The following GLIS3 variants were observed in gnomAD, a reference collection of about 807,000 sequenced individuals.
The protein encoded by GLIS3 is GLIS family zinc finger 3, also known as zinc finger protein GLIS3.
A neutral mutation model predicts 78.6 loss-of-function variants in GLIS3; 53 were observed. That is an observed-to-expected ratio of 0.67 (90% CI 0.54 to 0.85). GLIS3 has a LOEUF of 0.85. GLIS3 is among the 40% of genes least tolerant of loss of function. The pLI, the probability that GLIS3 is intolerant of heterozygous loss-of-function variation, is 0.00. For synonymous variants in GLIS3, 684 were observed against 509.9 expected (o/e 1.34, Z -4.60); for missense variants, 1,703 against 1,231.1 (o/e 1.38, Z -5.74).
chr9:4,488,156 T>C, the GLIS3 span, among the ~76,000 whole-genome samples: 2 of 152,102 alleles, frequency 1.3e-5, no homozygotes, highest in African/African-American at 4.8e-5. Context: ...GGTCTAATTA[T>C]GTTGTCCAGG....
At chr9:4,220,918 G>A (rs928927049) in intron 2 of GLIS3, among the ~76,000 whole-genome samples, 19 of 152,252 alleles carry the variant, frequency 1.2e-4, no homozygotes, top group Non-Finnish European at 2.6e-4. Flanking sequence ...CCAGGAGGTG[G>A]AGGTTGCAGT....
At chr9:4,055,490 C>T (rs1826070062) in intron 4 of GLIS3, among the ~76,000 whole-genome samples, 1 of 152,264 alleles carries the variant, frequency 6.6e-6, no homozygotes, top group African/African-American at 2.4e-5. Flanking sequence ...CAGGAGCTTG[C>T]ACTCTTGAGA....
chr9:4,156,522 T>C (rs959561680), intron 2 of GLIS3, among the ~76,000 whole-genome samples: 4 of 152,296 alleles, frequency 2.6e-5, no homozygotes, highest in Admixed American at 6.5e-5. Flanking sequence ...TAGAGGTAAG[T>C]AGGGCACAGA....
chr9:4,442,472 T>A, the GLIS3 span, among the ~76,000 whole-genome samples: 1 of 152,112 alleles, frequency 6.6e-6, no homozygotes, highest in African/African-American at 2.4e-5. Flanking sequence ...CCACCCTGAG[T>A]ATTCCAGAAC....
intron 2 of GLIS3, among the ~76,000 whole-genome samples, chr9:4,135,925 A>G (rs950218778): frequency 3.3e-5 from 5 of 152,232 alleles, no homozygotes; most frequent in Admixed American, 1.3e-4. Context: ...TGTCAAATTC[A>G]TAATATTTCA....
intron 7 of GLIS3, among the ~76,000 whole-genome samples, chr9:3,897,296 T>C (rs994219838): frequency 6.6e-6 from 1 of 152,148 alleles, no homozygotes; most frequent in Non-Finnish European, 1.5e-5. Flanking sequence ...AGATCATAGA[T>C]TAATGAACTG....
intron 3 of GLIS3, chr9:4,123,938 C>T: frequency 2.5e-6 from 1 of 392,990 alleles, no homozygotes; most frequent in Non-Finnish European, 4.5e-6. Context: ...TTCATGCCCC[C>T]TTTTCCACTT....
intron 2 of GLIS3, among the ~76,000 whole-genome samples, chr9:4,261,883 C>T (rs535362661): frequency 2.0e-5 from 3 of 152,244 alleles, no homozygotes; most frequent in African/African-American, 7.2e-5. Context: ...TTTTTAAGAG[C>T]CAATTATAGC....
chr9:4,474,895 G>T, the GLIS3 span, among the ~76,000 whole-genome samples: 2 of 151,262 alleles, frequency 1.3e-5, no homozygotes, highest in African/African-American at 4.9e-5. Context: ...AGAGACGGGG[G>T]CTCCCTATGT....
chr9:4,275,475 T>C (rs988082259), intron 2 of GLIS3, among the ~76,000 whole-genome samples: 18 of 151,782 alleles, frequency 1.2e-4, no homozygotes, highest in African/African-American at 4.1e-4. Flanking sequence ...AAGAATGAGA[T>C]TGGGCAGAGC....
At chr9:3,972,756 G>T (rs958657909) in intron 4 of GLIS3, among the ~76,000 whole-genome samples, 4 of 152,130 alleles carry the variant, frequency 2.6e-5, no homozygotes, top group Non-Finnish European at 4.4e-5. Context: ...CCTGGTATTA[G>T]TAAGTTTATA....
rs768709952 is a variant in GLIS3, at chr9:3,898,739, C to T, written c.2080G>A (p.Glu694Lys). Residue 694 changes from glutamate to lysine, a missense_variant, in exon 7 of 11, where the codon GAA (glutamate) becomes AAA (lysine). Transcript: ENST00000381971. ...PATSPRDAAAEGTVGRSPGPG... is the reference protein window; with the variant it reads ...PATSPRDAAAKGTVGRSPGPG... ...CCAGGGGAGCGTCCCACGGTCCCTT[C>T]AGCAGCAGCATCTCTAGGGGAAGTG... 6.8e-6 allele frequency: 11 copies of T among 1,614,178 alleles called. No individual in the cohort carries two copies. In the South Asian group the frequency reaches 1.2e-4, roughly 18 times the overall value.
chr9:4,209,115 T>A (rs1229892098), intron 2 of GLIS3, among the ~76,000 whole-genome samples: 1 of 152,178 alleles, frequency 6.6e-6, no homozygotes, highest in Non-Finnish European at 1.5e-5. Context: ...GTCCTAAGAT[T>A]TTCTTCCTGC....
In GLIS3 at chr9:4,236,450, G is replaced by C. The variant is rs568409654; in HGVS notation, c.388+49588C>G. Among the ~76,000 whole-genome samples the C allele has an allele frequency of 5.9e-5, 9 of 152,208 alleles. 1 individual carries two copies. The highest frequency in any genetic ancestry group is 2.2e-4 in the African/African-American group (9 of 41,526). On this transcript the variant is annotated intron_variant, in intron 2 of 10. Coordinates refer to ENST00000381971, the MANE Select transcript of GLIS3 (RefSeq NM_001042413.2). ...TCCCTTTTCCTCCCTTTTCCACATG[G>C]GTTGGGAGGTGAAGGATTTAATATT...
At chr9:3,971,654 G>A (rs1304589022) in intron 4 of GLIS3, among the ~76,000 whole-genome samples, 2 of 152,164 alleles carry the variant, frequency 1.3e-5, no homozygotes, top group East Asian at 1.9e-4. Context: ...ACAGTAGCAT[G>A]ACAGGCCTAT....
At position 3,828,365 on chromosome 9, in the gene GLIS3, A is replaced by T; in HGVS notation, c.2700T>A (p.Ser900=). 1 of 1,613,838 alleles carries T rather than the reference A, an allele frequency of 6.2e-7. No individual in the cohort carries two copies. Among genetic ancestry groups the T allele is most frequent in the South Asian group, 1.1e-5 (1 of 91,076 alleles). ...PSSSSSLFGE[S]LRSGAEDATF... ...TAGCATCTTCAGCCCCGCTGCGGAG[A>T]GACTCCCCAAAGAGGCTCGAGGAAC... Residue 900 remains serine, a synonymous_variant, in exon 11 of 11, where the codon TCT becomes TCA. Coordinates refer to ENST00000381971, the MANE Select transcript of GLIS3 (RefSeq NM_001042413.2).
chr9:4,406,270 G>C, the GLIS3 span, among the ~76,000 whole-genome samples: 1 of 152,188 alleles, frequency 6.6e-6, no homozygotes, highest in African/African-American at 2.4e-5. Context: ...CAACTGGAAA[G>C]GAAGAAGTCA....
chr9:4,149,212 G>A (rs1586812430), intron 2 of GLIS3, among the ~76,000 whole-genome samples: 1 of 152,132 alleles, frequency 6.6e-6, no homozygotes, highest in Non-Finnish European at 1.5e-5. Flanking sequence ...AGGCTTACTT[G>A]GTGCCAGAGG....
At chr9:3,852,339 C>A (rs1819486555) in intron 9 of GLIS3, among the ~76,000 whole-genome samples, 1 of 152,108 alleles carries the variant, frequency 6.6e-6, no homozygotes, top group Non-Finnish European at 1.5e-5. Context: ...ATGGGGGTGA[C>A]TACACTCATT....
Sources: gnomAD v4.1 joint callset for allele counts (sites outside exome capture counted in the v4.1 genomes callset) on GRCh38, gnomAD v4.1.1 for gene constraint, MANE v1.5 for transcripts, NCBI Gene and HGNC (gene_info 2026-07-23, HGNC 2026-07-21) for gene names.